The following FLT4 variants were observed in gnomAD, a reference collection of about 807,000 sequenced individuals.
FLT4 encodes the protein fms related receptor tyrosine kinase 4, also known as vascular endothelial growth factor receptor 3.
A neutral mutation model predicts 163.2 loss-of-function variants in FLT4; 30 were observed. The observed-to-expected ratio is 0.18, with a 90% CI of 0.14 to 0.25. The LOEUF (loss-of-function observed/expected upper bound fraction) is 0.25. Among genes scored for constraint, FLT4 ranks in the 10% least tolerant of loss-of-function variants. The pLI is 1.00. For missense variants in FLT4, 1,510 were observed against 1,863.8 expected, an observed-to-expected ratio of 0.81 and a Z score of 3.50; for synonymous variants, 884 against 789.5, an observed-to-expected ratio of 1.12 and a Z score of -2.01.
intron 27 of FLT4, 137 bp from the exon 28 acceptor site, chr5:180,610,162 T>A: frequency 8.1e-7 from 1 of 1,239,720 alleles, no homozygotes; most frequent in Non-Finnish European, 1.1e-6. Context: ...GGCCTGGGCC[T>A]GAGTGCTGGC....
intron 19 of FLT4, 61 bp downstream of exon 19, chr5:180,619,192 T>A: frequency 7.5e-7 from 1 of 1,326,528 alleles, no homozygotes; most frequent in Non-Finnish European, 9.8e-7. Flanking sequence ...CCGCGCCCCC[T>A]CCCGCCCGCG....
At chr5:180,612,827 C>G (rs990242247) in intron 25 of FLT4, among the ~76,000 whole-genome samples, 184 bp downstream of exon 25, 2 of 152,152 alleles carry the variant, frequency 1.3e-5, no homozygotes, top group African/African-American at 4.8e-5. Context: ...CCGACAGCGC[C>G]CGGCCTTCCC....
At chr5:180,608,246 G>A (rs926239509) in intron 29 of FLT4, 1 of 700,716 alleles carries the variant, frequency 1.4e-6, no homozygotes, top group African/African-American at 1.7e-5. Context: ...AGAAGAAAAT[G>A]CTGACGTATG....
intron 29 of FLT4, 37 bp downstream of exon 29, chr5:180,608,931 C>G (rs373009855): frequency 6.5e-7 from 1 of 1,548,244 alleles, no homozygotes; most frequent in African/African-American, 1.4e-5. Flanking sequence ...AGGGCAACAT[C>G]GATACCTGCA....
At chr5:180,632,643 C>T (rs1038507105) in intron 1 of FLT4, among the ~76,000 whole-genome samples, 4 of 151,548 alleles carry the variant, frequency 2.6e-5, no homozygotes, top group Admixed American at 6.6e-5. Context: ...TGTGCACACG[C>T]GTGCCTCCAT....
chr5:180,629,195 A>G lies in FLT4; in HGVS notation c.985+64T>C, dbSNP rs1763888076. 3.8e-6 allele frequency: 6 copies of G among 1,591,196 alleles called. No homozygotes were observed. The East Asian group carries it at 1.3e-4, about 36-fold the overall frequency. On this transcript the variant is annotated intron_variant, in intron 7 of 29. Transcript: ENST00000261937. ...CTCTGGCTGGACTCCTGAGTGCTCAAGGGCACCGTGAGCTCTGGGCCCAGG... is the reference window on the plus strand; with the variant it reads ...CTCTGGCTGGACTCCTGAGTGCTCAGGGGCACCGTGAGCTCTGGGCCCAGG...
chr5:180,621,549 C>A lies in FLT4; in HGVS notation c.2013G>T (p.Ser671=), dbSNP rs370019097. The change falls in exon 13 of 30, where the codon TCG becomes TCT. Residue 671 remains serine, a synonymous_variant. Coordinates refer to ENST00000261937, the MANE Select transcript of FLT4 (RefSeq NM_182925.5). ...CCCCGCGGCCAGCCTCACCCTGCACCGACAGGTACTTCTTGTGGCAGTGCT... is the reference window on the plus strand; with the variant it reads ...CCCCGCGGCCAGCCTCACCCTGCACAGACAGGTACTTCTTGTGGCAGTGCT... The part of the protein sequence containing the change: ...HDKHCHKKYL[S]VQALEAPRLT... 7 of 1,611,810 alleles carry A rather than the reference C, an allele frequency of 4.3e-6. No homozygotes were observed. Among genetic ancestry groups the A allele is most frequent in the African/African-American group, 4.0e-5 (3 of 74,896 alleles).
intron 1 of FLT4, among the ~76,000 whole-genome samples, chr5:180,646,722 AC>A (rs1418374665): frequency 6.6e-6 from 1 of 152,184 alleles, no homozygotes; most frequent in Non-Finnish European, 1.5e-5. Context: ...TCCCTGGGCC[AC>A]CCCGAACAGG....
At chr5:180,637,345 A>G (rs530207277) in intron 1 of FLT4, among the ~76,000 whole-genome samples, 86 of 151,352 alleles carry the variant, frequency 5.7e-4, no homozygotes, top group Non-Finnish European at 1.1e-3. Flanking sequence ...AAAAAAAAAA[A>G]AGAAAAGAAA....
intron 8 of FLT4, 80 bp from the exon 9 acceptor site, chr5:180,626,345 C>T: frequency 1.3e-6 from 2 of 1,509,096 alleles, no homozygotes; most frequent in Non-Finnish European, 9.1e-7. Context: ...ACCCCAAATA[C>T]AGTTGGGAGG....
chr5:180,623,562 C>T lies in FLT4; in HGVS notation c.1548+373G>A, dbSNP rs1463433606. ...GTGCCTTTGTTCAGTACCCCCTTCT[C>T]GGCGTTGCCCCCAGGCTGCGCCAGC... On this transcript the variant is annotated intron_variant, in intron 11 of 29. Transcript: ENST00000261937. This position sits in a 1 kb window ranked among gnomAD's most constrained non-coding sequence, Gnocchi z 5.8. Among the ~76,000 whole-genome samples, 2 of 152,126 alleles carry T rather than the reference C, an allele frequency of 1.3e-5. No homozygotes were observed. The highest frequency in any genetic ancestry group is 6.5e-5 in the Admixed American group (1 of 15,278).
In FLT4 at chr5:180,623,856, G is replaced by A; in HGVS notation, c.1548+79C>T. On this transcript the variant is annotated intron_variant, in intron 11 of 29. Transcript: ENST00000261937. The surrounding 1 kb of genome is among the most constrained non-coding windows in gnomAD (Gnocchi z 5.8). The stretch of plus-strand genomic sequence containing the variant: ...TGCCCAGCACTCTGGAAGCCAGGTG[G>A]AAACCACATGGCAGTAATGGCCTCT... The A allele has an allele frequency of 6.3e-7, 1 of 1,583,666 alleles. No homozygotes were observed. The highest frequency in any genetic ancestry group is 8.7e-7 in the Non-Finnish European group (1 of 1,155,194).
In FLT4 at chr5:180,621,780, G is replaced by A. The variant is rs780273008; in HGVS notation, c.1782C>T (p.Asn594=). 3.1e-6 allele frequency: 5 copies of A among 1,613,396 alleles called. No homozygotes were observed. Among genetic ancestry groups the A allele is most frequent in the Non-Finnish European group, 4.2e-6 (5 of 1,180,002 alleles). Reference sequence around the variant, plus strand: ...CGTGCGCATCGTGCAGCGTGGACAGGTTGAGGCGGTACCAGCGCAGATGCT... The same window carrying A: ...CGTGCGCATCGTGCAGCGTGGACAGATTGAGGCGGTACCAGCGCAGATGCT... ...KYEHLRWYRL[N]LSTLHDAHGN... is the part of the protein sequence containing the mutation. The change falls in exon 13 of 30, where the codon AAC becomes AAT. Residue 594 remains asparagine (N), a synonymous_variant. Coordinates refer to ENST00000261937, the MANE Select transcript of FLT4 (RefSeq NM_182925.5).
chr5:180,631,428 G>A lies in FLT4; in HGVS notation c.155+254C>T, dbSNP rs538817739. On this transcript the variant is annotated intron_variant, in intron 2 of 29. Transcript: ENST00000261937. Reference sequence around the variant, plus strand: ...GCAGAGCTTGCAGTGAGCCGAGATCGCACCACTGCACTCCAGCCTGGGTGA... The same window carrying A: ...GCAGAGCTTGCAGTGAGCCGAGATCACACCACTGCACTCCAGCCTGGGTGA... Among the ~76,000 whole-genome samples the A allele has an allele frequency of 1.1e-3, 164 of 151,962 alleles. 1 individual carries two copies. Among genetic ancestry groups the A allele is most frequent in the African/African-American group, 3.6e-3 (148 of 41,438 alleles).
chr5:180,603,314 G>T lies in FLT4; in HGVS notation c.3970C>A (p.Arg1324=). The T allele has an allele frequency of 2.5e-6, 4 of 1,613,910 alleles. No homozygotes were observed. The highest frequency in any genetic ancestry group is 3.4e-6 in the Non-Finnish European group (4 of 1,179,950). The change falls in exon 30 of 30, where the codon CGG becomes AGG. Residue 1324 remains arginine (R), a synonymous_variant. Transcript: ENST00000261937. ...DSQGRRRRPE[R]GARGGQVFYN... ...AACACCTGGCCTCCTCGGGCCCCCC[G>T]CTCAGGCCGCCGCCGCCTCCCTTGG...
intron 1 of FLT4, among the ~76,000 whole-genome samples, chr5:180,640,522 GC>G (rs1181423906): frequency 6.6e-6 from 1 of 152,262 alleles, no homozygotes; most frequent in Non-Finnish European, 1.5e-5. Flanking sequence ...TGGGCCCTGT[GC>G]CCCAGTGGCC....
chr5:180,613,760 G>C, intron 24 of FLT4: 1 of 459,778 alleles, frequency 2.2e-6, no homozygotes, highest in Non-Finnish European at 4.0e-6. Flanking sequence ...GGAGCTCTTG[G>C]AGTAGGCACG....
chr5:180,609,284 G>A (rs192578867), intron 28 of FLT4: 51 of 589,652 alleles, frequency 8.6e-5, no homozygotes, highest in African/African-American at 7.8e-4. Flanking sequence ...GCCCGTGGAC[G>A]CCTCATACTT....
chr5:180,601,870 G>A lies in FLT4; in HGVS notation c.*1322C>T, dbSNP rs574191911. On this transcript the variant is annotated 3_prime_UTR_variant, in exon 30 of 30. Transcript: ENST00000261937. ...GGGTCGGCCGGGCAAGCCCCTGCCC[G>A]CTGCGCGGCGCCTGTCCTGCAAGCG... The A allele has an allele frequency of 3.4e-5, 8 of 233,546 alleles. No individual in the cohort carries two copies. The South Asian group carries it at 5.4e-4, about 16-fold the overall frequency. 14.5% of individuals were successfully genotyped at this position (233,546 alleles called of 1,614,324 possible). A position where few individuals can be genotyped will look rare whatever the true frequency, so the allele number is the denominator to read the frequency against.
Sources: gnomAD v4.1 joint callset for allele counts (sites outside exome capture counted in the v4.1 genomes callset) on GRCh38, gnomAD v4.1.1 for gene constraint, Gnocchi (gnomAD v3.1) non-coding constraint, MANE v1.5 for transcripts, NCBI Gene and HGNC (gene_info 2026-07-23, HGNC 2026-07-21) for gene names.